The following FAAH2 variants were observed in gnomAD, a reference collection of about 807,000 sequenced individuals.
FAAH2 encodes fatty-acid amide hydrolase 2.
A neutral mutation model predicts 36.9 loss-of-function variants in FAAH2; 60 were observed. The observed-to-expected ratio is 1.63, with a 90% CI of 1.32 to 2.02. The LOEUF is 2.02. FAAH2 is among the 30% of genes most tolerant of loss of function. The probability of loss-of-function intolerance (pLI) is 0.00; values close to 1 mark genes in which losing one functional copy is unlikely to be tolerated. For synonymous variants in FAAH2, 214 were observed against 143.8 expected (o/e 1.49, Z -3.49); for missense variants, 689 against 397.5 (o/e 1.73, Z -6.23).
chrX:57,213,565 A>C, the FAAH2 span, among the ~76,000 whole-genome samples: 1 of 111,021 alleles, frequency 9.0e-6, no homozygotes, highest in African/African-American at 3.3e-5. Flanking sequence ...TTTGATTTCC[A>C]TTTTTATTTT....
At chrX:57,208,113 C>T in the FAAH2 span, among the ~76,000 whole-genome samples, 3 of 112,516 alleles carry the variant, frequency 2.7e-5, no homozygotes, top group African/African-American at 6.5e-5. Context: ...TGAGAGCGGT[C>T]GCTCGAGGCA....
At chrX:57,393,066 C>A in intron 7 of FAAH2, 1 of 917,110 alleles carries the variant, frequency 1.1e-6, no homozygotes, top group South Asian at 2.0e-5. Context: ...GGCTAAGGTA[C>A]CCTTGCCCCC....
intron 10 of FAAH2, among the ~76,000 whole-genome samples, chrX:57,473,739 A>G (rs757922046): frequency 9.0e-6 from 1 of 111,539 alleles, no homozygotes; most frequent in East Asian, 2.8e-4. Context: ...ATCTTCTTTT[A>G]TTGGAGCTTT....
chrX:57,481,499 T>C (rs1053443429), intron 10 of FAAH2, among the ~76,000 whole-genome samples: 2 of 112,133 alleles, frequency 1.8e-5, no homozygotes, highest in Admixed American at 9.4e-5. Context: ...GTCAGGCCTC[T>C]CTTCTGCAGG....
At chrX:57,210,673 C>A in the FAAH2 span, among the ~76,000 whole-genome samples, 5 of 112,425 alleles carry the variant, frequency 4.4e-5, no homozygotes, top group Non-Finnish European at 9.4e-5. Context: ...TGAATGCTTT[C>A]TTCATAAAAT....
At chrX:57,371,113 T>A (rs1031719307) in intron 5 of FAAH2, among the ~76,000 whole-genome samples, 1 of 111,827 alleles carries the variant, frequency 8.9e-6, no homozygotes, top group Non-Finnish European at 1.9e-5. Flanking sequence ...ATTTTCAACT[T>A]TTATTTTAGA....
the FAAH2 span, among the ~76,000 whole-genome samples, chrX:57,280,628 T>G: frequency 5.5e-5 from 6 of 108,228 alleles, no homozygotes; most frequent in African/African-American, 2.1e-4. Context: ...CATAGCCACT[T>G]TACAAGATTA....
At chrX:57,427,948 A>G (rs955370996) in intron 7 of FAAH2, among the ~76,000 whole-genome samples, 1 of 111,970 alleles carries the variant, frequency 8.9e-6, no homozygotes, top group Non-Finnish European at 1.9e-5. Context: ...TGAATTTAAA[A>G]AGAAGTCAAA....
chrX:57,382,846 T>C (rs928791848), intron 7 of FAAH2, among the ~76,000 whole-genome samples: 3 of 111,520 alleles, frequency 2.7e-5, no homozygotes, highest in Admixed American at 9.5e-5. Context: ...ATCATCCTGA[T>C]ACCAAAGCCT....
chrX:57,165,654 A>C, the FAAH2 span, among the ~76,000 whole-genome samples: 1 of 111,401 alleles, frequency 9.0e-6, no homozygotes. Flanking sequence ...ACTAACCTGC[A>C]GAATGTGCAC....
At chrX:57,461,923 G>T (rs959682396) in intron 10 of FAAH2, among the ~76,000 whole-genome samples, 2 of 110,418 alleles carry the variant, frequency 1.8e-5, no homozygotes, top group Non-Finnish European at 1.9e-5. Context: ...AAGAAGAAAA[G>T]AGAGAAGAAT....
chrX:57,438,020 T>TACATATATACATATGTATATATATAC (rs2056451136), intron 8 of FAAH2, among the ~76,000 whole-genome samples: 2 of 104,200 alleles, frequency 1.9e-5, no homozygotes, highest in African/African-American at 6.8e-5. Context: ...TACACATATG[T>TACATATATACATATGTATATATATAC]ACATATATAC....
chrX:57,451,606 A>G (rs1292675243), intron 10 of FAAH2, among the ~76,000 whole-genome samples: 3 of 111,469 alleles, frequency 2.7e-5, no homozygotes, highest in Non-Finnish European at 3.8e-5. Context: ...AAGTATTACA[A>G]TGGTCCACGC....
At chrX:57,184,061 AC>A in the FAAH2 span, among the ~76,000 whole-genome samples, 1 of 110,617 alleles carries the variant, frequency 9.0e-6, no homozygotes, top group South Asian at 3.9e-4. Context: ...TTGTGGTCAG[AC>A]CGTTCTCTGC....
intron 5 of FAAH2, among the ~76,000 whole-genome samples, chrX:57,371,596 C>G (rs948561041): frequency 2.2e-4 from 23 of 104,676 alleles, no homozygotes; most frequent in African/African-American, 7.8e-4. Flanking sequence ...CAATATATAC[C>G]CAGTGATGGG....
chrX:57,465,159 G>T (rs1167605374), intron 10 of FAAH2, among the ~76,000 whole-genome samples: 6 of 111,617 alleles, frequency 5.4e-5, no homozygotes, highest in Admixed American at 3.8e-4. Context: ...AAAGAGGAAA[G>T]AATCAGCAGG....
the FAAH2 span, among the ~76,000 whole-genome samples, chrX:57,263,594 GTAAA>G: frequency 8.9e-6 from 1 of 111,923 alleles, no homozygotes; most frequent in East Asian, 2.8e-4. Flanking sequence ...GTGATAAAAA[GTAAA>G]TAAATTATAA....
chrX:57,376,917 C>CT (rs1296296150), intron 5 of FAAH2, among the ~76,000 whole-genome samples: 15 of 111,731 alleles, frequency 1.3e-4, no homozygotes, highest in South Asian at 3.7e-4. Flanking sequence ...TGATGATGAG[C>CT]TTTTTTTTGC....
intron 7 of FAAH2, among the ~76,000 whole-genome samples, chrX:57,417,592 T>C (rs969893568): frequency 1.7e-4 from 19 of 112,087 alleles, no homozygotes; most frequent in African/African-American, 6.2e-4. Flanking sequence ...GCCTGTTTCT[T>C]TCCCTGGAAG....
Sources: allele counts gnomAD v4.1 joint callset (sites outside exome capture counted in the v4.1 genomes callset), GRCh38; gene constraint gnomAD v4.1.1; transcripts MANE v1.5; gene names NCBI Gene and HGNC (gene_info 2026-07-23, HGNC 2026-07-21).